TSPAN18: variants seen among roughly 807,000 people sequenced by gnomAD.
TSPAN18 encodes the protein tetraspanin-18.
A neutral mutation model predicts 27.3 loss-of-function variants in TSPAN18; 14 were observed. The ratio of observed to expected loss-of-function variants is 0.51; its 90% CI spans 0.34 to 0.80. TSPAN18 has a LOEUF of 0.80. Ranked by LOEUF, TSPAN18 falls within the 30% of genes least tolerant of loss-of-function variation. The pLI, the probability that TSPAN18 is intolerant of heterozygous loss-of-function variation, is 0.01. For missense variants in TSPAN18, 268 were observed against 323.9 expected (o/e 0.83, Z 1.32); for synonymous variants, 143 against 136.5 (o/e 1.05, Z -0.33).
At chr11:44,846,087 T>A (rs913391481) in intron 2 of TSPAN18, among the ~76,000 whole-genome samples, 2 of 152,222 alleles carry the variant, frequency 1.3e-5, no homozygotes, top group African/African-American at 4.8e-5. Flanking sequence ...CTGTGCCGAG[T>A]ACTTTGCAGG....
chr11:44,790,469 G>A (rs1007070579), intron 2 of TSPAN18, among the ~76,000 whole-genome samples: 6 of 148,768 alleles, frequency 4.0e-5, no homozygotes, highest in Non-Finnish European at 7.4e-5. Context: ...GTATGCATGT[G>A]TTCGTGTGTG....
At chr11:44,768,880 T>C (rs1341294307) in intron 2 of TSPAN18, among the ~76,000 whole-genome samples, 1 of 145,996 alleles carries the variant, frequency 6.8e-6, no homozygotes, top group Non-Finnish European at 1.5e-5. Context: ...ATATGATGGA[T>C]TATACTATTT....
chr11:44,751,528 G>A (rs762977596), intron 1 of TSPAN18, among the ~76,000 whole-genome samples: 9 of 152,146 alleles, frequency 5.9e-5, no homozygotes, highest in African/African-American at 2.2e-4. Context: ...GAGTCAGCAG[G>A]CAGTTTGCAT....
intron 2 of TSPAN18, among the ~76,000 whole-genome samples, chr11:44,853,630 A>G (rs1857657075): frequency 6.6e-6 from 1 of 152,226 alleles, no homozygotes; most frequent in East Asian, 1.9e-4. Context: ...AATAACTGGT[A>G]GAGCCAGGAT....
intron 3 of TSPAN18, among the ~76,000 whole-genome samples, chr11:44,896,962 A>G (rs1233394328): frequency 6.6e-6 from 1 of 152,070 alleles, no homozygotes; most frequent in African/African-American, 2.4e-5. Flanking sequence ...ATGGGGAGGA[A>G]TCTTTCACCC....
At chr11:44,832,408 C>A (rs1022212175) in intron 2 of TSPAN18, among the ~76,000 whole-genome samples, 1 of 140,524 alleles carries the variant, frequency 7.1e-6, no homozygotes, top group South Asian at 2.1e-4. Flanking sequence ...TCAACTCCCC[C>A]TCTTTTTCCT....
At chr11:44,790,588 G>T (rs566248029) in intron 2 of TSPAN18, among the ~76,000 whole-genome samples, 1 of 150,910 alleles carries the variant, frequency 6.6e-6, no homozygotes, top group African/African-American at 2.4e-5. Context: ...GTGTGTGCAT[G>T]TGTTCGTGTG....
chr11:44,828,939 G>C (rs1857100053), intron 2 of TSPAN18, among the ~76,000 whole-genome samples: 2 of 151,996 alleles, frequency 1.3e-5, no homozygotes, highest in Admixed American at 6.6e-5. Flanking sequence ...CTGGACAACT[G>C]GTCTCCCCAC....
chr11:44,771,963 T>A (rs1349331289), intron 2 of TSPAN18, among the ~76,000 whole-genome samples: 1 of 152,230 alleles, frequency 6.6e-6, no homozygotes. Flanking sequence ...CGAGAAATCC[T>A]GAGATCAGCA....
chr11:44,789,837 C>G (rs1222270784), intron 2 of TSPAN18, among the ~76,000 whole-genome samples: 1 of 152,198 alleles, frequency 6.6e-6, no homozygotes, highest in African/African-American at 2.4e-5. Context: ...TCCAGGGGCC[C>G]TTGGAAAAGG....
At chr11:44,927,243 T>G (rs1161092062) in intron 9 of TSPAN18, among the ~76,000 whole-genome samples, 2 of 152,178 alleles carry the variant, frequency 1.3e-5, no homozygotes, top group African/African-American at 2.4e-5. Context: ...AAAGGTAAGC[T>G]CCTGCAGACC....
intron 3 of TSPAN18, among the ~76,000 whole-genome samples, chr11:44,876,265 G>C (rs1376527104): frequency 6.6e-6 from 1 of 152,216 alleles, no homozygotes; most frequent in African/African-American, 2.4e-5. Flanking sequence ...GTCTCTGAGA[G>C]GACAGGGGCT....
At chr11:44,848,571 CAT>C (rs1464435653) in intron 2 of TSPAN18, among the ~76,000 whole-genome samples, 2 of 151,824 alleles carry the variant, frequency 1.3e-5, no homozygotes, top group Non-Finnish European at 2.9e-5. Flanking sequence ...AAGTCTGCAA[CAT>C]AACAGGAATT....
intron 2 of TSPAN18, among the ~76,000 whole-genome samples, chr11:44,834,785 T>C (rs897097085): frequency 1.3e-5 from 2 of 152,182 alleles, no homozygotes; most frequent in African/African-American, 2.4e-5. Flanking sequence ...ATTTGCATGG[T>C]TGTCAGATGC....
intron 2 of TSPAN18, among the ~76,000 whole-genome samples, chr11:44,830,857 T>A (rs1320293177): frequency 6.6e-6 from 1 of 152,212 alleles, no homozygotes; most frequent in Admixed American, 6.5e-5. Flanking sequence ...TTTTCAGGTC[T>A]TCTGAAGTCT....
At chr11:44,749,353 C>T (rs1855155047) in intron 1 of TSPAN18, among the ~76,000 whole-genome samples, 1 of 152,158 alleles carries the variant, frequency 6.6e-6, no homozygotes, top group African/African-American at 2.4e-5. Context: ...TGAGTGCTTC[C>T]ATATGTCAGC....
intron 3 of TSPAN18, among the ~76,000 whole-genome samples, chr11:44,864,808 G>A (rs1415012347): frequency 1.3e-5 from 2 of 152,188 alleles, no homozygotes; most frequent in African/African-American, 4.8e-5. Flanking sequence ...AAAGGGTTTT[G>A]ATTATTTCTG....
At chr11:44,761,263 C>T (rs1033475926) in intron 1 of TSPAN18, among the ~76,000 whole-genome samples, 7 of 152,198 alleles carry the variant, frequency 4.6e-5, no homozygotes, top group African/African-American at 1.4e-4. Flanking sequence ...CGCCTGCCCA[C>T]CAGGCTTACA....
At chr11:44,832,963 C>T (rs1187205029) in intron 2 of TSPAN18, among the ~76,000 whole-genome samples, 1 of 152,124 alleles carries the variant, frequency 6.6e-6, no homozygotes, top group African/African-American at 2.4e-5. Flanking sequence ...CACTCCTTCT[C>T]TGTGCCTTTG....
Sources: allele counts gnomAD v4.1 joint callset (sites outside exome capture counted in the v4.1 genomes callset), GRCh38; gene constraint gnomAD v4.1.1; transcripts MANE v1.5; gene names NCBI Gene and HGNC (gene_info 2026-07-23, HGNC 2026-07-21).